Variants in ACP7 observed in about 807,000 individuals in gnomAD.
ACP7 encodes the protein acid phosphatase type 7.
ACP7 carries 58 observed loss-of-function variants against 60.6 expected under a neutral mutation model. The ratio of observed to expected loss-of-function variants is 0.96; its 90% CI spans 0.77 to 1.19. The LOEUF (loss-of-function observed/expected upper bound fraction) is 1.19, where lower values mean the gene tolerates loss of function less well. ACP7 is among the 50% of genes most tolerant of loss of function. ACP7 has a pLI of 0.00. For missense variants in ACP7, 574 were observed against 596.2 expected, an observed-to-expected ratio of 0.96 and a Z score of 0.39; for synonymous variants, 237 against 232.6, an observed-to-expected ratio of 1.02 and a Z score of -0.17.
intron 11 of ACP7, among the ~76,000 whole-genome samples, chr19:39,102,120 T>TCACACACACACACACA (rs561424510): frequency 1.2e-4 from 17 of 145,760 alleles, no homozygotes; most frequent in African/African-American, 4.4e-4. Flanking sequence ...ACCCTTTCTC[T>TCACACACACACACACA]CACACACACA....
At chr19:39,101,444 C>G in intron 10 of ACP7, 22 bp from the exon 11 acceptor site, 1 of 1,613,984 alleles carries the variant, frequency 6.2e-7, no homozygotes, top group Non-Finnish European at 8.5e-7. Flanking sequence ...TGCCTGCCAC[C>G]CAACGTTGTT....
intron 12 of ACP7, among the ~76,000 whole-genome samples, chr19:39,108,032 CAG>C (rs1406064472): frequency 6.6e-6 from 1 of 152,052 alleles, no homozygotes; most frequent in Non-Finnish European, 1.5e-5. Context: ...GCCTTGGCAA[CAG>C]AGTGAGACCC....
intron 2 of ACP7, among the ~76,000 whole-genome samples, chr19:39,089,129 G>A (rs191307946): frequency 6.6e-6 from 1 of 151,844 alleles, no homozygotes; most frequent in Non-Finnish European, 1.5e-5. Context: ...GGGTTTCACC[G>A]TGTTGCCCAG....
At chr19:39,098,715 AG>A in intron 3 of ACP7, 57 bp downstream of exon 3, 2 of 1,521,400 alleles carry the variant, frequency 1.3e-6, no homozygotes, top group Non-Finnish European at 1.8e-6. Flanking sequence ...AGTGGGATGC[AG>A]ACTAGAAGCT....
At chr19:39,093,169 T>C (rs866075175) in intron 2 of ACP7, among the ~76,000 whole-genome samples, 1 of 130,564 alleles carries the variant, frequency 7.7e-6, no homozygotes, top group Admixed American at 7.6e-5. Context: ...TTTCTTTCTT[T>C]CTCTCCTTCC....
intron 11 of ACP7, among the ~76,000 whole-genome samples, chr19:39,102,378 TTTC>T (rs1212885423): frequency 9.3e-6 from 1 of 107,094 alleles, no homozygotes; most frequent in African/African-American, 2.8e-5. Context: ...AAATGTCATG[TTTC>T]TTTTTTTTTT....
chr19:39,090,554 C>T (rs1161299169), intron 2 of ACP7, among the ~76,000 whole-genome samples: 1 of 152,066 alleles, frequency 6.6e-6, no homozygotes, highest in African/African-American at 2.4e-5. Context: ...GCGATCTCAG[C>T]TCATTGCAAC....
chr19:39,101,941 A>AC (rs1013391574), intron 11 of ACP7, among the ~76,000 whole-genome samples: 2 of 90,922 alleles, frequency 2.2e-5, no homozygotes, highest in African/African-American at 1.1e-4. Flanking sequence ...CCTTGTCTAT[A>AC]CAAAAAAAAA....
intron 2 of ACP7, among the ~76,000 whole-genome samples, chr19:39,097,399 C>CAA (rs527462300): frequency 4.0e-5 from 5 of 125,650 alleles, no homozygotes; most frequent in Non-Finnish European, 6.7e-5. Flanking sequence ...CAAGACTCCT[C>CAA]AAAAAAAAAA....
chr19:39,102,714 CT>C (rs140408853), intron 11 of ACP7, among the ~76,000 whole-genome samples: 10,297 of 47,750 alleles, frequency 0.22, 564 homozygotes, highest in Middle Eastern at 0.31. Flanking sequence ...CCAATGAAGA[CT>C]TTTCTTTCTT....
intron 2 of ACP7, among the ~76,000 whole-genome samples, chr19:39,096,640 C>T (rs1489020557): frequency 6.6e-6 from 1 of 152,196 alleles, no homozygotes; most frequent in African/African-American, 2.4e-5. Flanking sequence ...CAACACCCCA[C>T]TCTACTGGTA....
At chr19:39,101,113 T>C (rs1390152695) in intron 8 of ACP7, 37 bp from the exon 9 acceptor site, 1 of 1,613,890 alleles carries the variant, frequency 6.2e-7, no homozygotes, top group South Asian at 1.1e-5. Context: ...TGGGCGTCAG[T>C]CTGCGTCACC....
chr19:39,094,300 C>T (rs1170793722), intron 2 of ACP7, among the ~76,000 whole-genome samples: 1 of 151,794 alleles, frequency 6.6e-6, no homozygotes, highest in African/African-American at 2.4e-5. Context: ...GTCAGGAGTT[C>T]GAGGCTAGCC....
chr19:39,108,196 G>C (rs188143163), intron 12 of ACP7, among the ~76,000 whole-genome samples: 1 of 146,330 alleles, frequency 6.8e-6, no homozygotes, highest in Non-Finnish European at 1.5e-5. Context: ...CTGGAATGCA[G>C]TGGTGCAGTC....
intron 2 of ACP7, among the ~76,000 whole-genome samples, chr19:39,088,934 AT>A (rs112131941): frequency 0.2 from 26,646 of 132,800 alleles, 2,530 homozygotes; most frequent in East Asian, 0.31. Flanking sequence ...GTATTTTTGC[AT>A]TTTTTTTTTT....
Position 39,101,547 on chromosome 19 carries a change from G to A in ACP7, c.1113+10G>A. 1.2e-6 allele frequency: 2 copies of A among 1,612,824 alleles called. No individual in the cohort carries two copies. The highest frequency in any genetic ancestry group is 1.7e-6 in the Non-Finnish European group (2 of 1,179,404). On this transcript the variant is annotated intron_variant, in intron 11 of 12. Transcript: ENST00000331256. ...CATCACAGGATCTGCTGTGAGCAGG[G>A]GGAAGGGTGGCTTTGCCTTCTCTCT...
intron 2 of ACP7, among the ~76,000 whole-genome samples, chr19:39,090,774 C>T (rs939900666): frequency 6.7e-6 from 1 of 149,430 alleles, no homozygotes; most frequent in East Asian, 2.0e-4. Context: ...GAACTACTCG[C>T]CCAGCCTTCC....
intron 5 of ACP7, 26 bp downstream of exon 5, chr19:39,100,376 G>A (rs997920185): frequency 1.2e-6 from 2 of 1,612,454 alleles, no homozygotes; most frequent in African/African-American, 2.7e-5. Flanking sequence ...GGTGGCGGTG[G>A]GCGAGGGCTG....
Position 39,099,863 on chromosome 19 carries a change from A to G in ACP7, c.506-364A>G, listed in dbSNP as rs1232666794. Among the ~76,000 whole-genome samples the G allele has an allele frequency of 4.0e-5, 6 of 151,546 alleles. No homozygotes were observed. In the East Asian group the frequency reaches 1.2e-3, roughly 29 times the overall value. On this transcript the variant is annotated intron_variant, in intron 4 of 12. Transcript: ENST00000331256. ...CAAAAATTAGCCAGGTGTGGTGGCAAGTGTCTGTAATCCCAGCTGCTTGGG... is the reference window on the plus strand; with the variant it reads ...CAAAAATTAGCCAGGTGTGGTGGCAGGTGTCTGTAATCCCAGCTGCTTGGG...
Sources: allele counts gnomAD v4.1 joint callset (sites outside exome capture counted in the v4.1 genomes callset), GRCh38; gene constraint gnomAD v4.1.1; transcripts MANE v1.5; gene names NCBI Gene and HGNC (gene_info 2026-07-23, HGNC 2026-07-21).